PTPRD: variants seen among roughly 807,000 people sequenced by gnomAD.
The protein encoded by PTPRD is receptor-type tyrosine-protein phosphatase delta.
Under a neutral mutation model 214.5 loss-of-function variants are expected in PTPRD, and 34 were observed. The observed-to-expected ratio is 0.16, with a 90% CI of 0.12 to 0.21. The LOEUF (loss-of-function observed/expected upper bound fraction) is 0.21. Among genes scored for constraint, PTPRD ranks in the 10% least tolerant of loss-of-function variants. The probability of loss-of-function intolerance (pLI) is 1.00; values close to 1 mark genes in which losing one functional copy is unlikely to be tolerated. For synonymous variants in PTPRD, 1,128 were observed against 845.7 expected (o/e 1.33, Z -5.79); for missense variants, 2,545 against 2,398.7 (o/e 1.06, Z -1.27).
At chr9:10,363,996 T>TGG (rs1555222208) in intron 2 of PTPRD, among the ~76,000 whole-genome samples, 1 of 98,632 alleles carries the variant, frequency 1.0e-5, no homozygotes, top group African/African-American at 3.8e-5. Context: ...TTCGGGTTTT[T>TGG]TTTTTTTTTT....
chr9:8,964,864 C>G (rs1384243221), intron 11 of PTPRD, among the ~76,000 whole-genome samples: 1 of 152,034 alleles, frequency 6.6e-6, no homozygotes, highest in African/African-American at 2.4e-5. Flanking sequence ...TTTGAGAAAT[C>G]TTTTTGGTAT....
intron 11 of PTPRD, among the ~76,000 whole-genome samples, chr9:8,784,617 A>G (rs1407049009): frequency 2.0e-5 from 3 of 149,396 alleles, no homozygotes; most frequent in Non-Finnish European, 4.5e-5. Flanking sequence ...AAAACTTTTA[A>G]GAGTGTGCCT....
chr9:9,863,493 T>C (rs1011987716), intron 5 of PTPRD, among the ~76,000 whole-genome samples: 1 of 152,166 alleles, frequency 6.6e-6, no homozygotes, highest in African/African-American at 2.4e-5. Context: ...GTGTAGCAAC[T>C]AAACAATTTG....
intron 8 of PTPRD, among the ~76,000 whole-genome samples, chr9:9,493,146 G>C (rs986152963): frequency 2.0e-5 from 3 of 151,650 alleles, no homozygotes; most frequent in Admixed American, 6.6e-5. Context: ...TGTAAATAAA[G>C]AGCTATAGAA....
chr9:9,396,803 T>A (rs1051505401), intron 9 of PTPRD, among the ~76,000 whole-genome samples: 3 of 151,962 alleles, frequency 2.0e-5, no homozygotes, highest in African/African-American at 7.2e-5. Context: ...TTATGTAGAG[T>A]CTTCTTTCTC....
intron 3 of PTPRD, among the ~76,000 whole-genome samples, chr9:10,069,026 T>C (rs1421605613): frequency 6.6e-6 from 1 of 152,022 alleles, no homozygotes; most frequent in Non-Finnish European, 1.5e-5. Context: ...AATTAGTTCT[T>C]TGTCCTCTTT....
At chr9:8,456,016 TTTA>T (rs1314464141) in intron 33 of PTPRD, among the ~76,000 whole-genome samples, 4 of 152,204 alleles carry the variant, frequency 2.6e-5, no homozygotes, top group Admixed American at 2.6e-4. Flanking sequence ...GGCCGAGGAT[TTTA>T]TTGCAACTCT....
At chr9:10,271,621 C>A (rs139719594) in intron 3 of PTPRD, among the ~76,000 whole-genome samples, 1 of 150,826 alleles carries the variant, frequency 6.6e-6, no homozygotes, top group Non-Finnish European at 1.5e-5. Flanking sequence ...CGGCTCACTG[C>A]AACCTCCGCC....
chr9:10,238,811 G>A (rs528898211), intron 3 of PTPRD, among the ~76,000 whole-genome samples: 38 of 152,002 alleles, frequency 2.5e-4, no homozygotes, highest in African/African-American at 8.9e-4. Flanking sequence ...AATGTTTAAG[G>A]TGAAATGGAA....
chr9:8,407,314 T>C (rs2130784657), intron 35 of PTPRD, among the ~76,000 whole-genome samples: 1 of 152,300 alleles, frequency 6.6e-6, no homozygotes, highest in African/African-American at 2.4e-5. Context: ...ATTGTTTTTT[T>C]CCATTTGGCA....
At chr9:10,194,855 C>T (rs1334377083) in intron 3 of PTPRD, among the ~76,000 whole-genome samples, 1 of 152,030 alleles carries the variant, frequency 6.6e-6, no homozygotes, top group East Asian at 1.9e-4. Context: ...CCTTTCACAG[C>T]CACAACTCTA....
chr9:8,772,925 C>T (rs2095298131), intron 11 of PTPRD, among the ~76,000 whole-genome samples: 1 of 152,036 alleles, frequency 6.6e-6, no homozygotes, highest in South Asian at 2.1e-4. Flanking sequence ...AACTTTAGGC[C>T]TTGTTTTTAA....
intron 7 of PTPRD, among the ~76,000 whole-genome samples, chr9:9,598,390 A>G (rs1486068043): frequency 1.3e-5 from 2 of 151,964 alleles, no homozygotes; most frequent in African/African-American, 4.8e-5. Flanking sequence ...TGCCTTTACT[A>G]TTCTCTCTAT....
At chr9:9,691,956 T>C (rs557142163) in intron 7 of PTPRD, among the ~76,000 whole-genome samples, 5 of 152,186 alleles carry the variant, frequency 3.3e-5, no homozygotes, top group Non-Finnish European at 5.9e-5. Context: ...ATTTTGCCCA[T>C]TTTTCAATCA....
intron 9 of PTPRD, among the ~76,000 whole-genome samples, chr9:9,198,542 G>C (rs1293548610): frequency 6.6e-6 from 1 of 152,022 alleles, no homozygotes; most frequent in South Asian, 2.1e-4. Flanking sequence ...TCATTCTCAA[G>C]AATTTTAGTT....
chr9:10,133,908 A>G (rs932610937), intron 3 of PTPRD, among the ~76,000 whole-genome samples: 2 of 152,142 alleles, frequency 1.3e-5, no homozygotes, highest in African/African-American at 4.8e-5. Context: ...TACTTTTTTC[A>G]TATATCACAG....
intron 35 of PTPRD, among the ~76,000 whole-genome samples, chr9:8,422,877 C>A (rs2094450540): frequency 6.6e-6 from 1 of 152,130 alleles, no homozygotes; most frequent in South Asian, 2.1e-4. Context: ...AAATCTTCTA[C>A]CTTCCCTTAT....
chr9:10,611,916 C>CCTTTTTT (rs1491167084), intron 2 of PTPRD, among the ~76,000 whole-genome samples: 1 of 91,530 alleles, frequency 1.1e-5, no homozygotes. Context: ...CCCCCCCCCC[C>CCTTTTTT]TTTTTTTTTC....
intron 9 of PTPRD, among the ~76,000 whole-genome samples, chr9:9,319,385 A>G (rs2135912763): frequency 6.6e-6 from 1 of 152,322 alleles, no homozygotes; most frequent in Non-Finnish European, 1.5e-5. Context: ...TTGTTATGTA[A>G]TAAGAAAATT....
Sources: allele counts gnomAD v4.1 joint callset (sites outside exome capture counted in the v4.1 genomes callset), GRCh38; gene constraint gnomAD v4.1.1; transcripts MANE v1.5; gene names NCBI Gene and HGNC (gene_info 2026-07-23, HGNC 2026-07-21).